Variants in GNAQ observed in about 807,000 individuals in gnomAD.
GNAQ encodes guanine nucleotide-binding protein G(q) subunit alpha.
A neutral mutation model predicts 43.9 loss-of-function variants in GNAQ; 8 were observed. That is an observed-to-expected ratio of 0.18 (90% CI 0.11 to 0.33). The LOEUF is 0.33. GNAQ is among the 10% of genes least tolerant of loss of function. The pLI, the probability that GNAQ is intolerant of heterozygous loss-of-function variation, is 1.00. For synonymous variants in GNAQ, 155 were observed against 170.7 expected, an observed-to-expected ratio of 0.91 and a Z score of 0.71; for missense variants, 158 against 450.8, an observed-to-expected ratio of 0.35 and a Z score of 5.88.
chr9:77,934,854 C>T (rs1408165089), intron 1 of GNAQ, among the ~76,000 whole-genome samples: 2 of 152,116 alleles, frequency 1.3e-5, no homozygotes, highest in East Asian at 3.9e-4. Flanking sequence ...GGGCCGGGTG[C>T]GGTGGCTCAC....
chr9:78,030,520 G>C (rs1824038036), intron 1 of GNAQ: 1 of 470,902 alleles, frequency 2.1e-6, no homozygotes, highest in Non-Finnish European at 4.4e-6. Context: ...CTCACCATGA[G>C]TGCTCCGGGA....
At chr9:78,028,258 T>C (rs1409428135) in intron 1 of GNAQ, among the ~76,000 whole-genome samples, 1 of 152,144 alleles carries the variant, frequency 6.6e-6, no homozygotes, top group African/African-American at 2.4e-5. Context: ...CAAAATTTAA[T>C]GTAATATTCT....
At chr9:77,739,866 G>A (rs186352293) in intron 5 of GNAQ, among the ~76,000 whole-genome samples, 69 of 152,328 alleles carry the variant, frequency 4.5e-4, no homozygotes, top group Admixed American at 1.4e-3. Flanking sequence ...TGAGGATGCA[G>A]AGGTAAGAGA....
intron 1 of GNAQ, among the ~76,000 whole-genome samples, chr9:77,966,147 A>AG (rs1823164824): frequency 1.3e-5 from 2 of 152,132 alleles, no homozygotes; most frequent in African/African-American, 4.8e-5. Flanking sequence ...GACAGGAATC[A>AG]GATCAGTGTT....
chr9:77,763,307 A>G (rs552137810), intron 5 of GNAQ, among the ~76,000 whole-genome samples: 8 of 152,268 alleles, frequency 5.3e-5, no homozygotes, highest in African/African-American at 2.4e-5. Context: ...GCCTTCCACA[A>G]CTATTATATG....
intron 2 of GNAQ, among the ~76,000 whole-genome samples, chr9:77,895,912 T>C (rs1828493928): frequency 6.6e-6 from 1 of 152,136 alleles, no homozygotes. Context: ...CTCCTTGCCT[T>C]CCGCCACGAT....
intron 1 of GNAQ, among the ~76,000 whole-genome samples, chr9:78,004,082 C>T (rs1333779425): frequency 1.3e-5 from 2 of 151,900 alleles, no homozygotes; most frequent in Admixed American, 6.6e-5. Flanking sequence ...CAAAGCTGAC[C>T]TCCAACTACA....
intron 2 of GNAQ, among the ~76,000 whole-genome samples, chr9:77,894,356 A>AAATATATAT (rs1828457354): frequency 2.4e-5 from 3 of 122,790 alleles, no homozygotes; most frequent in African/African-American, 9.2e-5. Context: ...ATTTAATAGA[A>AAATATATAT]AATATATATA....
chr9:77,918,342 T>G (rs897576348), intron 2 of GNAQ, among the ~76,000 whole-genome samples: 6 of 152,236 alleles, frequency 3.9e-5, no homozygotes, highest in Admixed American at 6.5e-5. Context: ...CAAATGGTTA[T>G]GTTTTTAAGC....
intron 1 of GNAQ, among the ~76,000 whole-genome samples, chr9:77,975,104 G>A (rs1057133308): frequency 1.3e-5 from 2 of 152,078 alleles, no homozygotes; most frequent in African/African-American, 4.8e-5. Context: ...GTTCCCTACA[G>A]GGCCCATCCC....
chr9:77,756,183 A>G (rs1448438206), intron 5 of GNAQ, among the ~76,000 whole-genome samples: 1 of 152,174 alleles, frequency 6.6e-6, no homozygotes, highest in African/African-American at 2.4e-5. Flanking sequence ...CAGGTGGCCT[A>G]CTGTAGGACC....
At chr9:77,879,111 T>C (rs1381084011) in intron 2 of GNAQ, among the ~76,000 whole-genome samples, 4 of 151,718 alleles carry the variant, frequency 2.6e-5, no homozygotes, top group Non-Finnish European at 4.4e-5. Flanking sequence ...AAAATGAGCA[T>C]GGAAAGTAAA....
At chr9:77,732,589 C>T (rs1825512130) in intron 5 of GNAQ, among the ~76,000 whole-genome samples, 1 of 152,176 alleles carries the variant, frequency 6.6e-6, no homozygotes. Flanking sequence ...TGGTAATGAA[C>T]TCCTGACCTC....
In GNAQ at chr9:77,927,474, G is replaced by A. The variant is rs181773639; in HGVS notation, c.137-5129C>T. Among the ~76,000 whole-genome samples, 108 of 152,124 alleles carry A rather than the reference G, an allele frequency of 7.1e-4. 1 individual carries two copies. Among genetic ancestry groups the A allele is most frequent in the Middle Eastern group, 3.4e-3 (1 of 294 alleles). On this transcript the variant is annotated intron_variant, in intron 1 of 6. Transcript: ENST00000286548. The stretch of plus-strand genomic sequence containing the variant: ...TGTCAGTTATTACTGCCACTGCTCC[G>A]AAGGATGGTGGTGCCCATTTCCATA...
intron 2 of GNAQ, among the ~76,000 whole-genome samples, chr9:77,833,261 C>A (rs1389973406): frequency 6.6e-6 from 1 of 152,212 alleles, no homozygotes; most frequent in Non-Finnish European, 1.5e-5. Flanking sequence ...AGCCACCCCG[C>A]ACCTGGCCTA....
intron 1 of GNAQ, among the ~76,000 whole-genome samples, chr9:77,937,958 T>G (rs564696075): frequency 1.1e-3 from 172 of 152,146 alleles, no homozygotes; most frequent in Non-Finnish European, 2.0e-3. Context: ...CATTCCTTCT[T>G]GTTTTGGCTT....
intron 5 of GNAQ, among the ~76,000 whole-genome samples, chr9:77,790,657 C>T (rs1826553254): frequency 1.3e-5 from 2 of 152,188 alleles, no homozygotes; most frequent in South Asian, 4.1e-4. Flanking sequence ...TTTCATTCTA[C>T]TTCCACCCTC....
intron 5 of GNAQ, among the ~76,000 whole-genome samples, chr9:77,731,219 A>ACGCGCAGAGACAGGGAGGGGAAG (rs1825482136): frequency 6.6e-6 from 1 of 152,110 alleles, no homozygotes; most frequent in Admixed American, 6.6e-5. Flanking sequence ...TGACTAGACT[A>ACGCGCAGAGACAGGGAGGGGAAG]TGCGCAGAGA....
At chr9:77,897,845 T>C (rs1317177309) in intron 2 of GNAQ, among the ~76,000 whole-genome samples, 5 of 151,576 alleles carry the variant, frequency 3.3e-5, no homozygotes, top group Non-Finnish European at 7.4e-5. Flanking sequence ...CCCACATCAG[T>C]CATTCAAACC....
Sources: allele counts gnomAD v4.1 joint callset (sites outside exome capture counted in the v4.1 genomes callset), GRCh38; gene constraint gnomAD v4.1.1; transcripts MANE v1.5; gene names NCBI Gene and HGNC (gene_info 2026-07-23, HGNC 2026-07-21).